AGBL1: variants seen among roughly 807,000 people sequenced by gnomAD.
The protein encoded by AGBL1 is AGBL carboxypeptidase 1, also known as cytosolic carboxypeptidase 4.
In AGBL1, 130 loss-of-function variants were observed where a neutral mutation model predicts 118.9. The observed-to-expected ratio is 1.09, with a 90% CI of 0.95 to 1.26. The LOEUF (loss-of-function observed/expected upper bound fraction) is 1.26, where lower values mean the gene tolerates loss of function less well. Ranked by LOEUF, AGBL1 falls within the 50% of genes most tolerant of loss-of-function variation. The pLI is 0.00. For missense variants in AGBL1, 1,584 were observed against 1,298.1 expected (o/e 1.22, Z -3.38); for synonymous variants, 555 against 478.9 (o/e 1.16, Z -2.08).
chr15:86,592,413 C>A (rs757826163), intron 21 of AGBL1, among the ~76,000 whole-genome samples: 24 of 152,146 alleles, frequency 1.6e-4, no homozygotes, highest in South Asian at 6.2e-4. Context: ...ATGAAGAAGG[C>A]CAAGCAAGAG....
In AGBL1 at chr15:86,965,755, C is replaced by A. The variant is rs564272590; in HGVS notation, c.3222-22232C>A. 5.7e-4 allele frequency among the ~76,000 whole-genome samples: 86 copies of A among 152,136 alleles called. 3 individuals carry two copies. The South Asian group carries it at 0.017, about 31-fold the overall frequency. ...CGTTCTCAGCAAACTAACATAAGAA[C>A]AGAAAACCAAACACTGCATGTTGTC... On this transcript the variant is annotated intron_variant, in intron 23 of 24. Coordinates refer to the AGBL1 transcript ENST00000441037.
At chr15:86,747,931 A>G (rs896458716) in intron 22 of AGBL1, among the ~76,000 whole-genome samples, 4 of 152,226 alleles carry the variant, frequency 2.6e-5, no homozygotes, top group African/African-American at 9.6e-5. Context: ...TAGTGCCACA[A>G]TAAACATACG....
At chr15:86,877,784 A>G (rs1486324734) in intron 22 of AGBL1, among the ~76,000 whole-genome samples, 1 of 152,004 alleles carries the variant, frequency 6.6e-6, no homozygotes, top group Non-Finnish European at 1.5e-5. Flanking sequence ...ACTCCTTTGG[A>G]TTATTTAAAT....
intron 24 of AGBL1, among the ~76,000 whole-genome samples, chr15:87,005,055 AT>A (rs1298315181): frequency 6.6e-6 from 1 of 152,168 alleles, no homozygotes; most frequent in African/African-American, 2.4e-5. Context: ...CTGCCAAGAG[AT>A]CCACTGTTAG....
intron 18 of AGBL1, among the ~76,000 whole-genome samples, chr15:86,492,765 A>C (rs576037020): frequency 6.6e-6 from 1 of 152,240 alleles, no homozygotes; most frequent in Non-Finnish European, 1.5e-5. Flanking sequence ...GGGAAGAAGA[A>C]GATCAGGGAA....
intron 3 of AGBL1, among the ~76,000 whole-genome samples, chr15:86,149,754 A>G (rs958604620): frequency 1.3e-5 from 2 of 152,224 alleles, no homozygotes; most frequent in African/African-American, 4.8e-5. Flanking sequence ...CAGGACTTGA[A>G]CTCAGCTCTG....
At chr15:86,086,610 C>T (rs577658114) in intron 1 of AGBL1, among the ~76,000 whole-genome samples, 28 of 152,224 alleles carry the variant, frequency 1.8e-4, no homozygotes, top group African/African-American at 6.5e-4. Context: ...CTTCCTCTCT[C>T]CCTCCCTCCT....
intron 24 of AGBL1, among the ~76,000 whole-genome samples, chr15:86,992,084 G>A (rs2081341204): frequency 6.6e-6 from 1 of 152,096 alleles, no homozygotes; most frequent in Non-Finnish European, 1.5e-5. Context: ...GGCTTCTGGT[G>A]AGAGGCCTCA....
intron 18 of AGBL1, among the ~76,000 whole-genome samples, chr15:86,478,081 T>C (rs954943498): frequency 2.0e-5 from 3 of 152,136 alleles, no homozygotes; most frequent in Non-Finnish European, 4.4e-5. Context: ...GGGACGTATC[T>C]CAAAATAATA....
At chr15:86,757,294 C>T (rs998761937) in intron 22 of AGBL1, among the ~76,000 whole-genome samples, 2 of 152,060 alleles carry the variant, frequency 1.3e-5, no homozygotes, top group African/African-American at 4.8e-5. Context: ...TCTACATTCT[C>T]TCATTTTAAC....
intron 21 of AGBL1, among the ~76,000 whole-genome samples, chr15:86,603,164 AC>A (rs998263843): frequency 1.3e-5 from 2 of 152,080 alleles, no homozygotes; most frequent in African/African-American, 4.8e-5. Context: ...AAGATTTCTT[AC>A]CCCTCAACAT....
intron 18 of AGBL1, among the ~76,000 whole-genome samples, chr15:86,475,937 C>A (rs529024615): frequency 2.0e-5 from 3 of 152,110 alleles, no homozygotes; most frequent in East Asian, 1.9e-4. Flanking sequence ...CTTAAAGAAA[C>A]GAATTTTCAA....
At chr15:86,214,108 T>C (rs1052137301) in intron 5 of AGBL1, among the ~76,000 whole-genome samples, 1 of 152,242 alleles carries the variant, frequency 6.6e-6, no homozygotes, top group African/African-American at 2.4e-5. Flanking sequence ...ATGGCCATGT[T>C]ACATCTCAAT....
intron 18 of AGBL1, among the ~76,000 whole-genome samples, chr15:86,462,454 A>G (rs1176276651): frequency 1.3e-5 from 2 of 151,834 alleles, no homozygotes; most frequent in Admixed American, 6.6e-5. Flanking sequence ...AACACAAAAA[A>G]CTTTTACTTC....
At chr15:86,723,604 A>G (rs1276493373) in intron 22 of AGBL1, among the ~76,000 whole-genome samples, 1 of 152,206 alleles carries the variant, frequency 6.6e-6, no homozygotes, top group Non-Finnish European at 1.5e-5. Flanking sequence ...GTGTATACAC[A>G]TGTAACTAAC....
intron 22 of AGBL1, among the ~76,000 whole-genome samples, chr15:86,774,474 TGGG>T (rs1177271334): frequency 6.6e-6 from 1 of 152,104 alleles, no homozygotes; most frequent in Non-Finnish European, 1.5e-5. Flanking sequence ...TTTCACATAT[TGGG>T]GGCACAATAT....
chr15:86,508,560 AT>A (rs35667466), intron 18 of AGBL1, among the ~76,000 whole-genome samples: 65,813 of 151,302 alleles, frequency 0.43, 15,315 homozygotes, highest in East Asian at 0.68. Flanking sequence ...ATAAAACAGG[AT>A]TTTTTTCGAG....
chr15:86,937,948 A>C (rs903698002), intron 23 of AGBL1, among the ~76,000 whole-genome samples: 1 of 152,230 alleles, frequency 6.6e-6, no homozygotes, highest in Non-Finnish European at 1.5e-5. Context: ...AGGTGAGACC[A>C]TACAGCTAAG....
At chr15:86,673,401 T>G (rs1451133314) in intron 21 of AGBL1, among the ~76,000 whole-genome samples, 1 of 152,198 alleles carries the variant, frequency 6.6e-6, no homozygotes, top group East Asian at 1.9e-4. Context: ...ACCACGCACT[T>G]TCTAGCTCAC....
Sources: gnomAD v4.1 joint callset for allele counts (sites outside exome capture counted in the v4.1 genomes callset) on GRCh38, gnomAD v4.1.1 for gene constraint, MANE v1.5 for transcripts, NCBI Gene and HGNC (gene_info 2026-07-23, HGNC 2026-07-21) for gene names.